Variants in DYNC1I1 observed in about 807,000 individuals in gnomAD.
The protein encoded by DYNC1I1 is cytoplasmic dynein 1 intermediate chain 1.
In DYNC1I1, 43 loss-of-function variants were observed where a neutral mutation model predicts 86.6. The ratio of observed to expected loss-of-function variants is 0.50; its 90% confidence interval spans 0.39 to 0.64. The LOEUF is 0.64. Among genes scored for constraint, DYNC1I1 ranks in the 30% least tolerant of loss-of-function variants. The probability of loss-of-function intolerance (pLI) is 0.00; values close to 1 mark genes in which losing one functional copy is unlikely to be tolerated. For synonymous variants in DYNC1I1, 262 were observed against 283.7 expected, an observed-to-expected ratio of 0.92 and a Z score of 0.77; for missense variants, 604 against 788.8, an observed-to-expected ratio of 0.77 and a Z score of 2.81.
chr7:95,828,646 T>C (rs1795255074), intron 5 of DYNC1I1, among the ~76,000 whole-genome samples: 1 of 152,210 alleles, frequency 6.6e-6, no homozygotes. Context: ...TACCTTGATC[T>C]AAAGATATTT....
At chr7:95,988,340 T>C (rs974073090) in intron 9 of DYNC1I1, among the ~76,000 whole-genome samples, 1 of 152,132 alleles carries the variant, frequency 6.6e-6, no homozygotes, top group African/African-American at 2.4e-5. Context: ...GTCTGGGTGA[T>C]GCAGTGAGAC....
Position 95,810,100 on chromosome 7 carries a change from C to T in DYNC1I1, c.109-292C>T, listed in dbSNP as rs144827287. ...GACAGAATTTTTTTTTATATTATAT[C>T]CCCAGCCAGAAATACTTTGCCTTGA... On this transcript the variant is annotated intron_variant, in intron 2 of 16. Transcript: ENST00000447467. Among the ~76,000 whole-genome samples the T allele has an allele frequency of 3.8e-3, 582 of 152,124 alleles. 4 individuals carry two copies. The highest frequency in any genetic ancestry group is 0.013 in the African/African-American group (551 of 41,508).
chr7:95,789,643 A>C (rs996646490), intron 1 of DYNC1I1, among the ~76,000 whole-genome samples: 2 of 152,166 alleles, frequency 1.3e-5, no homozygotes, highest in African/African-American at 4.8e-5. Context: ...ACTCAAGGTA[A>C]TCAGAGCCTG....
intron 4 of DYNC1I1, among the ~76,000 whole-genome samples, chr7:95,826,918 T>G (rs1795214316): frequency 1.3e-5 from 2 of 152,168 alleles, no homozygotes; most frequent in African/African-American, 4.8e-5. Flanking sequence ...AGTTCATAAG[T>G]TACCATATAA....
chr7:96,086,303 C>A (rs1335917698), intron 16 of DYNC1I1, among the ~76,000 whole-genome samples: 2 of 152,174 alleles, frequency 1.3e-5, no homozygotes, highest in African/African-American at 4.8e-5. Flanking sequence ...CCTATTATTT[C>A]TTTTTCCATT....
chr7:96,080,061 G>A (rs996048862), intron 15 of DYNC1I1, among the ~76,000 whole-genome samples: 7 of 152,014 alleles, frequency 4.6e-5, no homozygotes, highest in Non-Finnish European at 1.0e-4. Context: ...TGTATTTTTT[G>A]TTGGATGTAC....
chr7:95,994,215 A>G (rs754119445), intron 9 of DYNC1I1, among the ~76,000 whole-genome samples: 25 of 152,230 alleles, frequency 1.6e-4, no homozygotes, highest in Non-Finnish European at 3.4e-4. Context: ...AAATAATTAA[A>G]GAAATTTTGG....
chr7:96,022,937 G>T (rs950521570), intron 10 of DYNC1I1, among the ~76,000 whole-genome samples: 1 of 151,952 alleles, frequency 6.6e-6, no homozygotes, highest in Non-Finnish European at 1.5e-5. Flanking sequence ...AAAGTTAAGT[G>T]CCTGACCCAT....
intron 6 of DYNC1I1, among the ~76,000 whole-genome samples, chr7:95,897,640 C>A (rs183195996): frequency 1.8e-3 from 277 of 152,118 alleles, no homozygotes; most frequent in Non-Finnish European, 2.6e-3. Context: ...TGTATGGTTG[C>A]GACTTAATTG....
intron 9 of DYNC1I1, among the ~76,000 whole-genome samples, chr7:95,987,546 A>C (rs570607562): frequency 6.6e-6 from 1 of 151,888 alleles, no homozygotes; most frequent in Non-Finnish European, 1.5e-5. Flanking sequence ...ACTCCTCTCT[A>C]CTGTCTCCTA....
chr7:95,813,113 TCCCATCTCAA>T, intron 3 of DYNC1I1, 124 bp from the exon 4 acceptor site: 6 of 1,283,308 alleles, frequency 4.7e-6, no homozygotes, highest in South Asian at 3.0e-5. Context: ...TTTTTCTTTA[TCCCATCTCAA>T]TGTCTCCTGG....
In DYNC1I1 at chr7:96,001,634, T is replaced by C. The variant is rs553928556; in HGVS notation, c.969+5561T>C. ...GCGTAGCCTTACACATAATGTAATC[T>C]GTGAGAGCTCTCTTCTTGGCTTGCA... is the stretch of plus-strand genomic sequence containing the variant. On this transcript the variant is annotated intron_variant, in intron 10 of 16. Coordinates refer to ENST00000447467, the MANE Select transcript of DYNC1I1 (RefSeq NM_001135556.2). Among the ~76,000 whole-genome samples the C allele has an allele frequency of 6.6e-5, 10 of 152,320 alleles. No individual in the cohort carries two copies. The South Asian group carries it at 1.9e-3, about 28-fold the overall frequency.
intron 6 of DYNC1I1, among the ~76,000 whole-genome samples, chr7:95,958,039 G>T (rs1347250805): frequency 6.6e-6 from 1 of 152,136 alleles, no homozygotes; most frequent in African/African-American, 2.4e-5. Flanking sequence ...AGCCTTTGCT[G>T]CCAGAGCTGT....
At chr7:95,948,962 T>C (rs567162710) in intron 6 of DYNC1I1, among the ~76,000 whole-genome samples, 1 of 152,272 alleles carries the variant, frequency 6.6e-6, no homozygotes, top group East Asian at 1.9e-4. Context: ...TTCATTTACA[T>C]TTGTCTGAGG....
At chr7:95,923,359 A>G (rs1440433640) in intron 6 of DYNC1I1, among the ~76,000 whole-genome samples, 1 of 152,088 alleles carries the variant, frequency 6.6e-6, no homozygotes, top group Non-Finnish European at 1.5e-5. Flanking sequence ...ACTGATAGTA[A>G]TTTTTTTAAA....
downstream of DYNC1I1, among the ~76,000 whole-genome samples, chr7:96,101,986 A>C (rs1423859109): frequency 6.6e-6 from 1 of 151,954 alleles, no homozygotes; most frequent in African/African-American, 2.4e-5. Flanking sequence ...AATTAAATGG[A>C]TCTTGGAGAA....
chr7:95,995,249 AAAATAAATAAATAAATAAAT>A (rs71127433), intron 9 of DYNC1I1, among the ~76,000 whole-genome samples: 12 of 143,058 alleles, frequency 8.4e-5, no homozygotes, highest in African/African-American at 3.1e-4. Context: ...TCCATCTCAA[AAAATAAATAAATAAATAAAT>A]AAATAAATAA....
chr7:96,013,094 T>A (rs995074153), intron 10 of DYNC1I1, among the ~76,000 whole-genome samples: 2 of 151,990 alleles, frequency 1.3e-5, no homozygotes, highest in African/African-American at 4.8e-5. Flanking sequence ...TATCCTGGAT[T>A]ATGTGGGTCG....
chr7:95,974,365 G>T (rs1389159938), intron 6 of DYNC1I1, among the ~76,000 whole-genome samples: 1 of 152,186 alleles, frequency 6.6e-6, no homozygotes, highest in Admixed American at 6.5e-5. Flanking sequence ...GGCAATGTTT[G>T]TTTTGAAGAT....
Sources: allele counts gnomAD v4.1 joint callset (sites outside exome capture counted in the v4.1 genomes callset), GRCh38; gene constraint gnomAD v4.1.1; transcripts MANE v1.5; gene names NCBI Gene and HGNC (gene_info 2026-07-23, HGNC 2026-07-21).